LHFPL3: variants seen among roughly 807,000 people sequenced by gnomAD.
The protein encoded by LHFPL3 is LHFPL tetraspan subfamily member 3.
In LHFPL3, 5 loss-of-function variants were observed where a neutral mutation model predicts 19.3. The observed-to-expected ratio is 0.26, with a 90% confidence interval of 0.14 to 0.54. LHFPL3 has a LOEUF of 0.54. Among genes scored for constraint, LHFPL3 ranks in the 20% least tolerant of loss-of-function variants. The pLI is 0.94. For missense variants in LHFPL3, 249 were observed against 307.4 expected (o/e 0.81, Z 1.42); for synonymous variants, 133 against 126.2 (o/e 1.05, Z -0.36).
intron 2 of LHFPL3, among the ~76,000 whole-genome samples, chr7:104,901,682 C>T (rs147476714): frequency 9.2e-5 from 14 of 152,250 alleles, no homozygotes; most frequent in African/African-American, 3.1e-4. Flanking sequence ...ATCCTCCCAC[C>T]TAAACCTCCC....
At chr7:104,602,714 C>T (rs990649706) in intron 1 of LHFPL3, among the ~76,000 whole-genome samples, 9 of 152,166 alleles carry the variant, frequency 5.9e-5, no homozygotes, top group Non-Finnish European at 2.9e-5. Context: ...TGTTAATATA[C>T]GGAATACCAC....
intron 1 of LHFPL3, among the ~76,000 whole-genome samples, chr7:104,554,662 GATAGA>G (rs1215241442): frequency 5.3e-5 from 8 of 150,712 alleles, no homozygotes; most frequent in African/African-American, 2.0e-4. Flanking sequence ...TAGATAGATA[GATAGA>G]TAGATAGATA....
At chr7:104,579,789 C>G (rs996133160) in intron 1 of LHFPL3, among the ~76,000 whole-genome samples, 3 of 152,202 alleles carry the variant, frequency 2.0e-5, no homozygotes, top group Non-Finnish European at 4.4e-5. Flanking sequence ...GAGCACCCAT[C>G]ATGAACAAAG....
intron 1 of LHFPL3, among the ~76,000 whole-genome samples, chr7:104,516,056 C>T (rs1403020094): frequency 6.6e-6 from 1 of 152,030 alleles, no homozygotes; most frequent in African/African-American, 2.4e-5. Flanking sequence ...TAAAGACATA[C>T]CCAAGACTGG....
intron 1 of LHFPL3, among the ~76,000 whole-genome samples, chr7:104,518,473 A>T (rs1189149654): frequency 1.3e-5 from 2 of 149,544 alleles, no homozygotes; most frequent in African/African-American, 2.5e-5. Context: ...AATAAATGAT[A>T]ATGGATGTCC....
intron 1 of LHFPL3, among the ~76,000 whole-genome samples, chr7:104,726,594 G>C (rs577736897): frequency 6.6e-6 from 1 of 152,196 alleles, no homozygotes; most frequent in East Asian, 1.9e-4. Flanking sequence ...CTGGTTTTCT[G>C]TTCCTGCATT....
At chr7:104,502,675 G>A (rs756988439) in intron 1 of LHFPL3, among the ~76,000 whole-genome samples, 7 of 152,158 alleles carry the variant, frequency 4.6e-5, no homozygotes, top group Non-Finnish European at 8.8e-5. Context: ...TCCTTGCCAG[G>A]AAGATAAAAT....
intron 1 of LHFPL3, among the ~76,000 whole-genome samples, chr7:104,603,122 CTTTCTTTCTTTTTTCCCTT>C (rs1791013739): frequency 8.3e-6 from 1 of 120,114 alleles, no homozygotes; most frequent in Non-Finnish European, 1.8e-5. Context: ...TTCTTTCTTT[CTTTCTTTCTTTTTTCCCTT>C]CCTTCCTTCC....
chr7:104,682,453 C>T (rs1170678386), intron 1 of LHFPL3, among the ~76,000 whole-genome samples: 1 of 152,206 alleles, frequency 6.6e-6, no homozygotes, highest in Non-Finnish European at 1.5e-5. Flanking sequence ...TTATTAGCCT[C>T]ACTTAACCTC....
At chr7:104,600,582 T>C (rs1790943738) in intron 1 of LHFPL3, among the ~76,000 whole-genome samples, 2 of 152,234 alleles carry the variant, frequency 1.3e-5, no homozygotes, top group African/African-American at 4.8e-5. Context: ...TATTATCTCA[T>C]CTTATCCTCA....
chr7:104,590,785 A>T (rs929637427), intron 1 of LHFPL3, among the ~76,000 whole-genome samples: 1 of 152,124 alleles, frequency 6.6e-6, no homozygotes, highest in South Asian at 2.1e-4. Context: ...TGCTTTATGA[A>T]TCTGGGTGCT....
chr7:104,422,654 A>C (rs1191476660), intron 1 of LHFPL3, among the ~76,000 whole-genome samples: 5 of 152,214 alleles, frequency 3.3e-5, no homozygotes, highest in Non-Finnish European at 5.9e-5. Flanking sequence ...AAGTTACTTT[A>C]TCTCTCTGAG....
At chr7:104,586,862 C>T (rs1044748351) in intron 1 of LHFPL3, among the ~76,000 whole-genome samples, 7 of 152,108 alleles carry the variant, frequency 4.6e-5, no homozygotes, top group East Asian at 1.9e-4. Flanking sequence ...GGAAGACTAC[C>T]GGAAAAGTCA....
intron 1 of LHFPL3, among the ~76,000 whole-genome samples, chr7:104,710,360 T>C (rs78423347): frequency 0.023 from 3,572 of 152,292 alleles, 68 homozygotes; most frequent in Middle Eastern, 0.082. Flanking sequence ...GCTTTGACCT[T>C]AGTTATTGAC....
chr7:104,666,420 A>G (rs570426737), intron 1 of LHFPL3, among the ~76,000 whole-genome samples: 1 of 150,650 alleles, frequency 6.6e-6, no homozygotes, highest in East Asian at 2.0e-4. Context: ...GAGTGAGAAC[A>G]TGCAGTATTT....
At chr7:104,679,840 C>G (rs999303281) in intron 1 of LHFPL3, among the ~76,000 whole-genome samples, 1 of 152,176 alleles carries the variant, frequency 6.6e-6, no homozygotes, top group African/African-American at 2.4e-5. Flanking sequence ...CTCAGGTGGT[C>G]TCTTCACTCT....
At chr7:104,617,648 A>T (rs1584442203) in intron 1 of LHFPL3, among the ~76,000 whole-genome samples, 1 of 152,244 alleles carries the variant, frequency 6.6e-6, no homozygotes, top group Non-Finnish European at 1.5e-5. Context: ...CATAGTTGTC[A>T]ACAAATAATT....
chr7:104,418,160 G>A (rs1306062437), intron 1 of LHFPL3, among the ~76,000 whole-genome samples: 1 of 152,082 alleles, frequency 6.6e-6, no homozygotes, highest in East Asian at 1.9e-4. Context: ...ACAGGTGTGA[G>A]CCATGGCACC....
intron 1 of LHFPL3, among the ~76,000 whole-genome samples, chr7:104,539,655 A>G (rs757895146): frequency 7.9e-5 from 12 of 152,198 alleles, no homozygotes; most frequent in Non-Finnish European, 1.5e-4. Flanking sequence ...ATGCTGGTCC[A>G]TAATGAAATC....
Sources: allele counts gnomAD v4.1 joint callset (sites outside exome capture counted in the v4.1 genomes callset), GRCh38; gene constraint gnomAD v4.1.1; transcripts MANE v1.5; gene names NCBI Gene and HGNC (gene_info 2026-07-23, HGNC 2026-07-21).